Variants in FBLIM1 observed in about 807,000 individuals in gnomAD.
FBLIM1 encodes filamin-binding LIM protein 1.
A neutral mutation model predicts 37.4 loss-of-function variants in FBLIM1; 29 were observed. The observed-to-expected ratio is 0.77, with a 90% confidence interval of 0.58 to 1.06. FBLIM1 has a LOEUF of 1.06. FBLIM1 is among the 50% of genes least tolerant of loss of function. The pLI is 0.00. For synonymous variants in FBLIM1, 193 were observed against 199.0 expected (o/e 0.97, Z 0.25); for missense variants, 449 against 505.6 (o/e 0.89, Z 1.07).
At chr1:15,757,758 C>G (rs1351872035), upstream of FBLIM1, among the ~76,000 whole-genome samples, 1 of 152,216 alleles carries the variant, frequency 6.6e-6, no homozygotes, top group East Asian at 1.9e-4. This position sits in a 1 kb window ranked among gnomAD's most constrained non-coding sequence, Gnocchi z 4.1. Context: ...ATCTGTCTGC[C>G]TCTGAATCAG....
intron 1 of FBLIM1, among the ~76,000 whole-genome samples, chr1:15,760,929 G>GGGC (rs1343298735): frequency 1.3e-5 from 2 of 152,104 alleles, no homozygotes; most frequent in African/African-American, 4.8e-5. Flanking sequence ...AGGGAAGCCG[G>GGGC]GGCTCCCTCT....
chr1:15,770,088 G>A (rs936884966), intron 5 of FBLIM1, among the ~76,000 whole-genome samples: 4 of 151,528 alleles, frequency 2.6e-5, no homozygotes, highest in African/African-American at 9.7e-5. Context: ...CTGGGACTAC[G>A]GGGGCATGCC....
chr1:15,758,322 G>C (rs1219360681), upstream of FBLIM1: 1 of 152,192 alleles, frequency 6.6e-6, no homozygotes, highest in Non-Finnish European at 1.5e-5. The surrounding 1 kb of genome is among the most constrained non-coding windows in gnomAD (Gnocchi z 6.2). Context: ...GCGGATCCCA[G>C]AGCCAAAGTA....
At chr1:15,773,880 C>T (rs750597419) in intron 6 of FBLIM1, among the ~76,000 whole-genome samples, 6 of 152,090 alleles carry the variant, frequency 3.9e-5, no homozygotes, top group South Asian at 2.1e-4. Context: ...CGGTGGCTCA[C>T]GCCTGTAATC....
intron 1 of FBLIM1, among the ~76,000 whole-genome samples, chr1:15,762,333 G>A (rs1010733160): frequency 4.7e-4 from 68 of 145,068 alleles, no homozygotes; most frequent in Non-Finnish European, 8.6e-4. Context: ...GTGCAATCTC[G>A]GCTTACTGCA....
rs1191619785 is a variant in FBLIM1 at position 15,784,724 on chromosome 1, T to G, written c.*63T>G. ...GCTGGGGCCCTTCCCTGACTTGGTT[T>G]CCCTTCCTAACCTGCTCTTGCACAC... is the stretch of plus-strand genomic sequence containing the variant. On this transcript the variant is annotated 3_prime_UTR_variant, in exon 9 of 9. Transcript: ENST00000375766. The G allele has an allele frequency of 1.4e-6, 2 of 1,452,662 alleles. No individual in the cohort carries two copies. Among genetic ancestry groups the G allele is most frequent in the African/African-American group, 2.8e-5 (2 of 71,716 alleles). The allele number at this position is 1,452,662 out of a possible 1,614,324, so 90.0% of individuals were successfully genotyped here.
intron 7 of FBLIM1, 49 bp downstream of exon 7, chr1:15,774,845 C>T (rs1348144784): frequency 1.2e-6 from 2 of 1,613,750 alleles, no homozygotes; most frequent in Non-Finnish European, 1.7e-6. Context: ...CAGGGCGAGA[C>T]CCAAGCAGGG....
intron 1 of FBLIM1, among the ~76,000 whole-genome samples, chr1:15,762,109 G>A (rs1300367355): frequency 6.7e-6 from 1 of 149,420 alleles, no homozygotes; most frequent in African/African-American, 2.5e-5. Context: ...TTTTTTTCGA[G>A]ACAGAGTTTC....
chr1:15,784,530 G>A lies in FBLIM1; in HGVS notation c.1009-18G>A. 6.2e-7 allele frequency: 1 copy of A among 1,608,638 alleles called. No individual in the cohort carries two copies. Among genetic ancestry groups the A allele is most frequent in the Non-Finnish European group, 8.5e-7 (1 of 1,175,918 alleles). ...GCCCAGGCCCAGGGCGGGTCAGCAT[G>A]TGTCTTTGTCTCCCCAGGACTGCAG... On this transcript the variant is annotated intron_variant, in intron 8 of 8. Coordinates refer to ENST00000375766, the MANE Select transcript of FBLIM1 (RefSeq NM_017556.4).
At chr1:15,764,922 G>A (rs1030334992) in intron 2 of FBLIM1, 42 bp from the exon 3 acceptor site, 18 of 1,543,244 alleles carry the variant, frequency 1.2e-5, no homozygotes, top group Non-Finnish European at 1.5e-5. Context: ...GTGGCTGTGT[G>A]TCTGGGTGGC....
chr1:15,776,962 A>G (rs2069511859), intron 7 of FBLIM1: 1 of 549,484 alleles, frequency 1.8e-6, no homozygotes, highest in South Asian at 3.2e-5. Flanking sequence ...AATTCAGACA[A>G]TCTCCAGTGA....
At chr1:15,778,639 CT>C (rs1229500425) in intron 8 of FBLIM1, among the ~76,000 whole-genome samples, 1 of 45,566 alleles carries the variant, frequency 2.2e-5, no homozygotes. Flanking sequence ...GTGGAAGCTT[CT>C]TTTTCTTTTT....
chr1:15,767,153 A>G (rs1441720047), intron 3 of FBLIM1, among the ~76,000 whole-genome samples: 1 of 151,872 alleles, frequency 6.6e-6, no homozygotes, highest in African/African-American at 2.4e-5. Flanking sequence ...TCGGCCTCCC[A>G]AAGTGCTGAG....
chr1:15,762,597 A>G (rs1445116388), intron 1 of FBLIM1, among the ~76,000 whole-genome samples: 1 of 152,192 alleles, frequency 6.6e-6, no homozygotes, highest in South Asian at 2.1e-4. Flanking sequence ...GTGTTTCACC[A>G]TGTTGGCCAG....
chr1:15,777,352 C>T, intron 8 of FBLIM1, 65 bp downstream of exon 8: 2 of 1,261,904 alleles, frequency 1.6e-6, no homozygotes, highest in African/African-American at 1.5e-5. Flanking sequence ...AGCTGGGTTG[C>T]TTGGACATGG....
chr1:15,777,147 A>G (rs1038943204), intron 7 of FBLIM1, 23 bp from the exon 8 acceptor site: 2 of 1,578,116 alleles, frequency 1.3e-6, no homozygotes, highest in African/African-American at 2.7e-5. Flanking sequence ...ACGCCTCCCA[A>G]GCATGGGTTC....
chr1:15,777,340 T>C, intron 8 of FBLIM1, 53 bp downstream of exon 8: 1 of 1,392,274 alleles, frequency 7.2e-7, no homozygotes, highest in Non-Finnish European at 1.0e-6. Context: ...TGCCAGGCCC[T>C]TAGCTGGGTT....
chr1:15,772,393 G>A (rs2069262104), intron 6 of FBLIM1, among the ~76,000 whole-genome samples: 1 of 152,160 alleles, frequency 6.6e-6, no homozygotes, highest in Non-Finnish European at 1.5e-5. Flanking sequence ...GTGTCCAGCT[G>A]GAAGCAGGAA....
chr1:15,777,655 C>A (rs1025619032), intron 8 of FBLIM1, among the ~76,000 whole-genome samples: 15 of 149,746 alleles, frequency 1.0e-4, no homozygotes, highest in African/African-American at 3.7e-4. Flanking sequence ...CTCACTGCAA[C>A]CTCTACCTCC....
Sources: gnomAD v4.1 joint callset for allele counts (sites outside exome capture counted in the v4.1 genomes callset) on GRCh38, gnomAD v4.1.1 for gene constraint, Gnocchi (gnomAD v3.1) non-coding constraint, MANE v1.5 for transcripts, NCBI Gene and HGNC (gene_info 2026-07-23, HGNC 2026-07-21) for gene names.